The following IMP3 variants were observed in gnomAD, a reference collection of about 807,000 sequenced individuals.
IMP3 encodes U3 small nucleolar ribonucleoprotein IMP3.
In IMP3, 17 loss-of-function variants were observed where a neutral mutation model predicts 10.2. That is an observed-to-expected ratio of 1.67 (90% CI 1.14 to 2.50). The LOEUF is 2.50. Among genes scored for constraint, IMP3 ranks in the 30% most tolerant of loss-of-function variants. The probability of loss-of-function intolerance (pLI) is 0.00; values close to 1 mark genes in which losing one functional copy is unlikely to be tolerated. For missense variants in IMP3, 290 were observed against 260.2 expected (o/e 1.11, Z -0.79); for synonymous variants, 167 against 120.1 (o/e 1.39, Z -2.55).
In IMP3 at chr15:75,639,985, G is replaced by C. The variant is rs1175657347; in HGVS notation, c.184C>G (p.Leu62Val). ...SRAVRELARRLRDLPERDQFR... is the reference protein window; with the variant it reads ...SRAVRELARRVRDLPERDQFR... The stretch of plus-strand genomic sequence containing the variant: ...TGGTCGCGTTCGGGCAGGTCGCGCA[G>C]GCGCCGCGCCAGCTCACGCACGGCA... Residue 62 changes from leucine to valine, a missense_variant, in exon 1 of 1, where the codon CTG becomes GTG. Physicochemically the swap from Leu to Val is conservative, Grantham distance 32. Coordinates refer to ENST00000403490, the MANE Select transcript of IMP3 (RefSeq NM_018285.4). 1.2e-6 allele frequency: 2 copies of C among 1,602,730 alleles called. No individual in the cohort carries two copies. Among genetic ancestry groups the C allele is most frequent in the African/African-American group, 1.3e-5 (1 of 74,682 alleles).
Position 75,639,986 on chromosome 15 carries a change from G to A in IMP3, c.183C>T (p.Arg61=), listed in dbSNP as rs1893404355. 1.9e-6 allele frequency: 3 copies of A among 1,602,600 alleles called. No individual in the cohort carries two copies. The highest frequency in any genetic ancestry group is 2.6e-6 in the Non-Finnish European group (3 of 1,175,284). ...GGTCGCGTTCGGGCAGGTCGCGCAGGCGCCGCGCCAGCTCACGCACGGCAC... is the reference window on the plus strand; with the variant it reads ...GGTCGCGTTCGGGCAGGTCGCGCAGACGCCGCGCCAGCTCACGCACGGCAC... ...LSRAVRELAR[R]LRDLPERDQF... Residue 61 remains arginine (R), a synonymous_variant, in exon 1 of 1, where the codon CGC becomes CGT. Coordinates refer to ENST00000403490, the MANE Select transcript of IMP3 (RefSeq NM_018285.4).
chr15:75,639,551 T>C lies in IMP3; in HGVS notation c.*63A>G. The C allele has an allele frequency of 6.8e-7, 1 of 1,460,428 alleles. No individual in the cohort carries two copies. The highest frequency in any genetic ancestry group is 9.6e-7 in the Non-Finnish European group (1 of 1,043,350). 90.5% of individuals were successfully genotyped at this position (1,460,428 alleles called of 1,614,324 possible). ...CCTTGAGGAGAGCACCCTCATAGAA[T>C]CTCCAGCATCAGGCCTCAGTTTTCC... is the stretch of plus-strand genomic sequence containing the variant. On this transcript the variant is annotated 3_prime_UTR_variant, in exon 1 of 1. Transcript: ENST00000403490.
At position 75,640,184 on chromosome 15, in the gene IMP3, A is replaced by T; in HGVS notation, c.-16T>A. ...TCCGCACCATGATGGCGGCAGCCGC[A>T]GCCGCAGGACCCGAAGCTGAGAGCG... On this transcript the variant is annotated 5_prime_UTR_variant, in exon 1 of 1. Transcript: ENST00000403490. The T allele has an allele frequency of 6.7e-7, 1 of 1,503,456 alleles. No homozygotes were observed. The allele number at this position is 1,503,456 out of a possible 1,614,324, so 93.1% of individuals were successfully genotyped here.
chr15:75,639,909 C>T lies in IMP3; in HGVS notation c.260G>A (p.Gly87Asp). The T allele has an allele frequency of 6.2e-7, 1 of 1,610,738 alleles. No homozygotes were observed. The highest frequency in any genetic ancestry group is 1.1e-5 in the South Asian group (1 of 90,928). Residue 87 changes from glycine (G) to aspartate (D), a missense_variant, in exon 1 of 1, where the codon GGC becomes GAC. Coordinates refer to ENST00000403490, the MANE Select transcript of IMP3 (RefSeq NM_018285.4). ...AALLDKLYAL[G>D]LVPTRGSLEL... is the part of the protein sequence containing the mutation. The stretch of plus-strand genomic sequence containing the variant: ...CAGCGAACCGCGCGTGGGCACCAAG[C>T]CGAGAGCATACAGCTTGTCCAGCAG...
rs1248644898 is a variant in IMP3, at chr15:75,639,910, C to T, written c.259G>A (p.Gly87Ser). The T allele has an allele frequency of 6.2e-7, 1 of 1,610,762 alleles. No individual in the cohort carries two copies. The highest frequency in any genetic ancestry group is 1.1e-5 in the South Asian group (1 of 90,920). The change falls in exon 1 of 1, where the codon GGC becomes AGC. Residue 87 changes from glycine to serine, a missense_variant. Gly to Ser is a moderately conservative substitution (Grantham distance 56). Transcript: ENST00000403490. ...AGCGAACCGCGCGTGGGCACCAAGC[C>T]GAGAGCATACAGCTTGTCCAGCAGC... ...AALLDKLYALGLVPTRGSLEL... is the reference protein window; with the variant it reads ...AALLDKLYALSLVPTRGSLEL...
Position 75,640,043 on chromosome 15 carries a change from C to T in IMP3, c.126G>A (p.Arg42=). The change falls in exon 1 of 1, where the codon CGG becomes CGA. Residue 42 remains arginine (R), a synonymous_variant. Transcript: ENST00000403490. The part of the protein sequence containing the change: ...RVLRRYRLQR[R]EDYTRYNQLS... ...GCTGGTTGTAGCGCGTGTAGTCCTC[C>T]CGCCGCTGCAGCCGGTAACGCCGCA... 1.2e-6 allele frequency: 2 copies of T among 1,605,800 alleles called. No homozygotes were observed. The highest frequency in any genetic ancestry group is 1.7e-6 in the Non-Finnish European group (2 of 1,176,986).
In IMP3 at chr15:75,640,118, G is replaced by T. The variant is rs199706126; in HGVS notation, c.51C>A (p.Asp17Glu). ...GGTCGGTGACCTCCCAGTTCAGGAA[G>T]TCCACCTGCTTCAGCAGCTTCTGCT... The part of the protein sequence containing the change: ...FHEQKLLKQV[D>E]FLNWEVTDHN... Residue 17 changes from aspartate to glutamate, a missense_variant, in exon 1 of 1, where the codon GAC (aspartate) becomes GAA (glutamate). Transcript: ENST00000403490. 1.1e-5 allele frequency: 18 copies of T among 1,587,202 alleles called. No homozygotes were observed. In the East Asian group the frequency reaches 1.6e-4, roughly 14 times the overall value.
chr15:75,640,219 A>T lies in IMP3; in HGVS notation c.-51T>A. On this transcript the variant is annotated 5_prime_UTR_variant, in exon 1 of 1. An upstream start codon of the reference 5' UTR is lost. Transcript: ENST00000403490. ...CCCGAAGCTGAGAGCGCGTTCTGGCATCCGCGCGATTTCCGCCGCGGCGCC... is the reference window on the plus strand; with the variant it reads ...CCCGAAGCTGAGAGCGCGTTCTGGCTTCCGCGCGATTTCCGCCGCGGCGCC... 2.0e-6 allele frequency: 3 copies of T among 1,467,852 alleles called. No individual in the cohort carries two copies. In the South Asian group the frequency reaches 4.2e-5, roughly 21 times the overall value. 90.9% of individuals were successfully genotyped at this position (1,467,852 alleles called of 1,614,324 possible).
At position 75,639,671 on chromosome 15, in the gene IMP3, G is replaced by A; in HGVS notation, c.498C>T (p.Ile166=). 1 of 1,613,922 alleles carries A rather than the reference G, an allele frequency of 6.2e-7. No homozygotes were observed. Among genetic ancestry groups the A allele is most frequent in the Non-Finnish European group, 8.5e-7 (1 of 1,180,040 alleles). The part of the protein sequence containing the change: ...DFVTWVDSSK[I]KRHVLEYNEE... ...CATTGTACTCTAGCACGTGCCGCTT[G>A]ATCTTGGACGAGTCCACCCAAGTGA... The change falls in exon 1 of 1, where the codon ATC becomes ATT. Residue 166 remains isoleucine (I), a synonymous_variant. Coordinates refer to ENST00000403490, the MANE Select transcript of IMP3 (RefSeq NM_018285.4).
chr15:75,639,395 A>G lies in IMP3; in HGVS notation c.*219T>C. On this transcript the variant is annotated 3_prime_UTR_variant, in exon 1 of 1. Transcript: ENST00000403490. Reference sequence around the variant, plus strand: ...GTTACTTCCCACTGTTTCCCAAGGCACAGTCAATTAATAATCAGTAGTCCA... The same window carrying G: ...GTTACTTCCCACTGTTTCCCAAGGCGCAGTCAATTAATAATCAGTAGTCCA... The G allele has an allele frequency of 1.8e-6, 1 of 568,974 alleles. No homozygotes were observed. Among genetic ancestry groups the G allele is most frequent in the Non-Finnish European group, 3.1e-6 (1 of 322,176 alleles). 35.2% of individuals were successfully genotyped at this position (568,974 alleles called of 1,614,324 possible).
Position 75,639,394 on chromosome 15 carries a change from C to T in IMP3, c.*220G>A, listed in dbSNP as rs75773872. The T allele has an allele frequency of 2.4e-3, 1,360 of 568,902 alleles. 7 individuals carry two copies. The highest frequency in any genetic ancestry group is 0.02 in the African/African-American group (1,047 of 52,598). 35.2% of individuals were successfully genotyped at this position (568,902 alleles called of 1,614,324 possible). On this transcript the variant is annotated 3_prime_UTR_variant, in exon 1 of 1. Coordinates refer to ENST00000403490, the MANE Select transcript of IMP3 (RefSeq NM_018285.4). ...AGTTACTTCCCACTGTTTCCCAAGG[C>T]ACAGTCAATTAATAATCAGTAGTCC...
chr15:75,640,098 G>A lies in IMP3; in HGVS notation c.71C>T (p.Thr24Ile). The A allele has an allele frequency of 1.2e-6, 2 of 1,603,924 alleles. No homozygotes were observed. The highest frequency in any genetic ancestry group is 1.7e-6 in the Non-Finnish European group (2 of 1,175,662). ...KQVDFLNWEVTDHNLHELRVL... is the reference protein window; with the variant it reads ...KQVDFLNWEVIDHNLHELRVL... The stretch of plus-strand genomic sequence containing the variant: ...GCGCAGCTCGTGCAGGTTGTGGTCG[G>A]TGACCTCCCAGTTCAGGAAGTCCAC... The change falls in exon 1 of 1, where the codon ACC (threonine) becomes ATC (isoleucine). Residue 24 changes from threonine to isoleucine, a missense_variant. By Grantham distance (89) the Thr-to-Ile change is moderately conservative (BLOSUM62 -1). Coordinates refer to ENST00000403490, the MANE Select transcript of IMP3 (RefSeq NM_018285.4).
rs749661001 is a variant in IMP3, at chr15:75,640,014, C to T, written c.155G>A (p.Ser52Asn). Residue 52 changes from serine to asparagine, a missense_variant, in exon 1 of 1, where the codon AGC (serine) becomes AAC (asparagine). Ser to Asn is a conservative substitution (Grantham distance 46). Coordinates refer to ENST00000403490, the MANE Select transcript of IMP3 (RefSeq NM_018285.4). The part of the protein sequence containing the change: ...REDYTRYNQL[S>N]RAVRELARRL... Reference sequence around the variant, plus strand: ...CCGCGCCAGCTCACGCACGGCACGGCTCAGCTGGTTGTAGCGCGTGTAGTC... The same window carrying T: ...CCGCGCCAGCTCACGCACGGCACGGTTCAGCTGGTTGTAGCGCGTGTAGTC... 4 of 1,601,732 alleles carry T rather than the reference C, an allele frequency of 2.5e-6. No homozygotes were observed. In the South Asian group the frequency reaches 4.5e-5, roughly 18 times the overall value.
At position 75,639,863 on chromosome 15, in the gene IMP3, C is replaced by T; in HGVS notation, c.306G>A (p.Thr102=). 6.2e-7 allele frequency: 1 copy of T among 1,611,396 alleles called. No homozygotes were observed. Among genetic ancestry groups the T allele is most frequent in the Non-Finnish European group, 8.5e-7 (1 of 1,179,208 alleles). Residue 102 remains threonine (T), a synonymous_variant, in exon 1 of 1, where the codon ACG becomes ACA. Transcript: ENST00000403490. ...RGSLELCDFV[T]ASSFCRRRLP... is the part of the protein sequence containing the mutation. ...GGCGGCGGCGGCAGAAGGACGAGGC[C>T]GTGACGAAGTCGCAGAGCTCCAGCG...
Position 75,639,900 on chromosome 15 carries a change from G to A in IMP3, c.269C>T (p.Pro90Leu), listed in dbSNP as rs774014102. The change falls in exon 1 of 1, where the codon CCC (proline) becomes CTC (leucine). Residue 90 changes from proline (P) to leucine (L), a missense_variant. Transcript: ENST00000403490. ...GCAGAGCTCCAGCGAACCGCGCGTG[G>A]GCACCAAGCCGAGAGCATACAGCTT... ...LDKLYALGLV[P>L]TRGSLELCDF... 1.6e-5 allele frequency: 25 copies of A among 1,610,810 alleles called. No homozygotes were observed. In the East Asian group the frequency reaches 3.8e-4, roughly 24 times the overall value.
Position 75,640,142 on chromosome 15 carries a change from C to T in IMP3, c.27G>A (p.Glu9=), listed in dbSNP as rs779129425. The T allele has an allele frequency of 1.7e-5, 27 of 1,558,606 alleles. No homozygotes were observed. In the Admixed American group the frequency reaches 3.3e-4, roughly 19 times the overall value. The part of the protein sequence containing the change: MVRKLKFH[E]QKLLKQVDFL... ...AGTCCACCTGCTTCAGCAGCTTCTG[C>T]TCGTGGAACTTAAGCTTCCGCACCA... Residue 9 remains glutamate, a synonymous_variant, in exon 1 of 1, where the codon GAG becomes GAA. Coordinates refer to ENST00000403490, the MANE Select transcript of IMP3 (RefSeq NM_018285.4).
In IMP3 at chr15:75,640,032, G is replaced by T. The variant is rs534390938; in HGVS notation, c.137C>A (p.Thr46Lys). The T allele has an allele frequency of 6.3e-7, 1 of 1,599,090 alleles. No individual in the cohort carries two copies. Among genetic ancestry groups the T allele is most frequent in the Non-Finnish European group, 8.5e-7 (1 of 1,174,122 alleles). Reference protein sequence around the residue: ...RYRLQRREDYTRYNQLSRAVR... With the variant: ...RYRLQRREDYKRYNQLSRAVR... Reference sequence around the variant, plus strand: ...GGCACGGCTCAGCTGGTTGTAGCGCGTGTAGTCCTCCCGCCGCTGCAGCCG... The same window carrying T: ...GGCACGGCTCAGCTGGTTGTAGCGCTTGTAGTCCTCCCGCCGCTGCAGCCG... Residue 46 changes from threonine (T) to lysine (K), a missense_variant, in exon 1 of 1, where the codon ACG becomes AAG. By Grantham distance (78) the Thr-to-Lys change is moderately conservative. Coordinates refer to ENST00000403490, the MANE Select transcript of IMP3 (RefSeq NM_018285.4).
Position 75,639,821 on chromosome 15 carries a change from G to C in IMP3, c.348C>G (p.Leu116=). The part of the protein sequence containing the change: ...FCRRRLPTVL[L]KLRMAQHLQA... ...GAAGGTGCTGCGCCATGCGCAGCTT[G>C]AGGAGCACGGTGGGGAGGCGGCGGC... Residue 116 remains leucine (L), a synonymous_variant, in exon 1 of 1, where the codon CTC becomes CTG. Transcript: ENST00000403490. The C allele has an allele frequency of 6.2e-7, 1 of 1,611,412 alleles. No homozygotes were observed. Among genetic ancestry groups the C allele is most frequent in the African/African-American group, 1.3e-5 (1 of 75,014 alleles).
rs776414255 is a variant in IMP3, at chr15:75,639,965, G to C, written c.204C>G (p.Arg68=). 23 of 1,604,768 alleles carry C rather than the reference G, an allele frequency of 1.4e-5. No individual in the cohort carries two copies. The East Asian group carries it at 5.2e-4, about 36-fold the overall frequency. ...LARRLRDLPE[R]DQFRVRASAA... Reference sequence around the variant, plus strand: ...CCGAAGCGCGCACGCGGAACTGGTCGCGTTCGGGCAGGTCGCGCAGGCGCC... The same window carrying C: ...CCGAAGCGCGCACGCGGAACTGGTCCCGTTCGGGCAGGTCGCGCAGGCGCC... Residue 68 remains arginine (R), a synonymous_variant, in exon 1 of 1, where the codon CGC becomes CGG. Coordinates refer to ENST00000403490, the MANE Select transcript of IMP3 (RefSeq NM_018285.4).
Sources: gnomAD v4.1 joint callset for allele counts on GRCh38, gnomAD v4.1.1 for gene constraint, MANE v1.5 for transcripts, NCBI Gene and HGNC (gene_info 2026-07-23, HGNC 2026-07-21) for gene names.